Variants in WWOX observed in about 807,000 individuals in gnomAD.
WWOX encodes WW domain containing oxidoreductase.
WWOX carries 69 observed loss-of-function variants against 46.2 expected under a neutral mutation model. That is an observed-to-expected ratio of 1.49 (90% CI 1.23 to 1.82). The LOEUF is 1.82. Among genes scored for constraint, WWOX ranks in the 40% most tolerant of loss-of-function variants. WWOX has a pLI of 0.00. For synonymous variants in WWOX, 359 were observed against 202.6 expected (o/e 1.77, Z -6.56); for missense variants, 919 against 542.6 (o/e 1.69, Z -6.89).
intron 8 of WWOX, chr16:78,503,804 A>G (rs2085128364): frequency 6.6e-6 from 1 of 152,212 alleles, no homozygotes; most frequent in Admixed American, 6.5e-5. Context: ...CATATCTGGA[A>G]GAGAACAGAT....
intron 8 of WWOX, among the ~76,000 whole-genome samples, chr16:78,632,455 T>G (rs1016246964): frequency 2.0e-5 from 3 of 151,146 alleles, no homozygotes; most frequent in Admixed American, 6.6e-5. Flanking sequence ...TTGAAGAGGG[T>G]GTAGGCCAAG....
chr16:78,516,059 T>G lies in WWOX; in HGVS notation c.1056+83307T>G, dbSNP rs114576579. ...AAGGTTTTCTCACAGATTAAGAGAGTAGCATGTGCTCATCCCAATTATTGA... is the reference window on the plus strand; with the variant it reads ...AAGGTTTTCTCACAGATTAAGAGAGGAGCATGTGCTCATCCCAATTATTGA... On this transcript the variant is annotated intron_variant, in intron 8 of 8. Transcript: ENST00000566780. Among the ~76,000 whole-genome samples the G allele has an allele frequency of 5.4e-3, 822 of 151,920 alleles. 9 individuals carry two copies. The highest frequency in any genetic ancestry group is 0.019 in the African/African-American group (791 of 41,406).
chr16:78,497,141 T>C (rs922453325), intron 8 of WWOX, among the ~76,000 whole-genome samples: 3 of 152,236 alleles, frequency 2.0e-5, no homozygotes, highest in Admixed American at 6.5e-5. Flanking sequence ...TAGGTGTATG[T>C]CTGCTCATGC....
At position 78,572,214 on chromosome 16, in the gene WWOX, T is replaced by G. The variant is rs75725259; in HGVS notation, c.1056+139462T>G. Reference sequence around the variant, plus strand: ...AATGGGGAAATTAATGGTGGCACATTCCTGCATAGGAGATAGCAGTGATAA... The same window carrying G: ...AATGGGGAAATTAATGGTGGCACATGCCTGCATAGGAGATAGCAGTGATAA... On this transcript the variant is annotated intron_variant, in intron 8 of 8. Transcript: ENST00000566780. Among the ~76,000 whole-genome samples the G allele has an allele frequency of 8.3e-3, 1,258 of 152,246 alleles. 23 individuals are homozygous for G. The highest frequency in any genetic ancestry group is 0.029 in the African/African-American group (1,222 of 41,530).
chr16:78,374,922 G>A (rs1357917360), intron 5 of WWOX, among the ~76,000 whole-genome samples: 2 of 151,986 alleles, frequency 1.3e-5, no homozygotes, highest in Non-Finnish European at 2.9e-5. Context: ...TTGACCTTAG[G>A]TGATCTGCCT....
At chr16:78,966,465 A>C (rs750886387) in intron 8 of WWOX, among the ~76,000 whole-genome samples, 3 of 151,754 alleles carry the variant, frequency 2.0e-5, no homozygotes, top group Admixed American at 6.6e-5. Flanking sequence ...TTTCATGTAC[A>C]TCGTTTTTAA....
In WWOX at chr16:78,228,554, C is replaced by T. The variant is rs184535780; in HGVS notation, c.516+64265C>T. Among the ~76,000 whole-genome samples, 13 of 152,224 alleles carry T rather than the reference C, an allele frequency of 8.5e-5. No individual in the cohort carries two copies. The East Asian group carries it at 1.9e-3, about 23-fold the overall frequency. ...ACAGGGTTTCACCACATTGCCCAGG[C>T]AGGTCTCAAACTCCCGGGCTCAAGC... On this transcript the variant is annotated intron_variant, in intron 5 of 8. Coordinates refer to ENST00000566780, the MANE Select transcript of WWOX (RefSeq NM_016373.4).
intron 8 of WWOX, among the ~76,000 whole-genome samples, chr16:78,981,198 G>A (rs941382691): frequency 1.4e-4 from 21 of 152,094 alleles, no homozygotes; most frequent in African/African-American, 5.1e-4. Flanking sequence ...TGATGTCCTG[G>A]CTGTGTTAGC....
chr16:78,882,715 C>G (rs115845438), intron 8 of WWOX, among the ~76,000 whole-genome samples: 4,801 of 152,046 alleles, frequency 0.032, 246 homozygotes, highest in African/African-American at 0.11. Context: ...CCTTGTATTT[C>G]TGACCTCAAG....
chr16:78,314,427 C>T (rs1164409695), intron 5 of WWOX, among the ~76,000 whole-genome samples: 1 of 139,496 alleles, frequency 7.2e-6, no homozygotes, highest in Non-Finnish European at 1.6e-5. Context: ...AAAAAAAGTA[C>T]AGGACATACG....
intron 6 of WWOX, among the ~76,000 whole-genome samples, chr16:78,387,168 C>T (rs2082077178): frequency 6.6e-6 from 1 of 152,090 alleles, no homozygotes; most frequent in Admixed American, 6.6e-5. Flanking sequence ...TTCCCACATA[C>T]CAAAAGAGAA....
At chr16:78,942,121 G>A (rs2045863723) in intron 8 of WWOX, among the ~76,000 whole-genome samples, 1 of 152,156 alleles carries the variant, frequency 6.6e-6, no homozygotes, top group African/African-American at 2.4e-5. Context: ...TAACACGGAA[G>A]CGCCCTCCTT....
chr16:79,040,495 C>G (rs754447068), intron 8 of WWOX, among the ~76,000 whole-genome samples: 1 of 151,984 alleles, frequency 6.6e-6, no homozygotes, highest in East Asian at 1.9e-4. Context: ...AGGCTGGTCT[C>G]GAACTCCTGA....
At chr16:78,678,580 G>C (rs1438963837) in intron 8 of WWOX, among the ~76,000 whole-genome samples, 1 of 152,110 alleles carries the variant, frequency 6.6e-6, no homozygotes, top group African/African-American at 2.4e-5. Context: ...TGTGATAATT[G>C]TATAAAGAAC....
chr16:79,009,842 G>T (rs929870285), intron 8 of WWOX, among the ~76,000 whole-genome samples: 8 of 152,144 alleles, frequency 5.3e-5, no homozygotes, highest in Non-Finnish European at 4.4e-5. Context: ...CTATCATGGG[G>T]GCTTCGACCT....
intron 8 of WWOX, among the ~76,000 whole-genome samples, chr16:78,729,557 C>T (rs1456945090): frequency 2.0e-5 from 3 of 151,948 alleles, no homozygotes; most frequent in Non-Finnish European, 4.4e-5. Flanking sequence ...TCCACAAGCT[C>T]AGATATGCCT....
chr16:78,954,070 T>G (rs1349218628), intron 8 of WWOX, among the ~76,000 whole-genome samples: 1 of 152,236 alleles, frequency 6.6e-6, no homozygotes, highest in East Asian at 1.9e-4. Flanking sequence ...GGACCATATC[T>G]TATTCAGTTC....
chr16:78,998,390 C>T (rs148765533), intron 8 of WWOX, among the ~76,000 whole-genome samples: 1 of 152,282 alleles, frequency 6.6e-6, no homozygotes, highest in African/African-American at 2.4e-5. Context: ...AGAGCAGAGC[C>T]TACTGCCTTC....
At chr16:78,271,750 G>T (rs539109258) in intron 5 of WWOX, among the ~76,000 whole-genome samples, 104 of 152,306 alleles carry the variant, frequency 6.8e-4, no homozygotes, top group African/African-American at 2.4e-3. Context: ...CAGCGAGGGC[G>T]TTGGGAGGCC....
Sources: allele counts gnomAD v4.1 joint callset (sites outside exome capture counted in the v4.1 genomes callset), GRCh38; gene constraint gnomAD v4.1.1; transcripts MANE v1.5; gene names NCBI Gene and HGNC (gene_info 2026-07-23, HGNC 2026-07-21).